The following IMMT variants were observed in gnomAD, a reference collection of about 807,000 sequenced individuals.
IMMT encodes the protein MICOS complex subunit MIC60.
IMMT carries 40 observed loss-of-function variants against 92.7 expected under a neutral mutation model. That is an observed-to-expected ratio of 0.43 (90% CI 0.34 to 0.56). The LOEUF (loss-of-function observed/expected upper bound fraction) is 0.56. Among genes scored for constraint, IMMT ranks in the 20% least tolerant of loss-of-function variants. The probability of loss-of-function intolerance (pLI) is 0.03; values close to 1 mark genes in which losing one functional copy is unlikely to be tolerated. For missense variants in IMMT, 831 were observed against 912.1 expected, an observed-to-expected ratio of 0.91 and a Z score of 1.14; for synonymous variants, 322 against 336.1, an observed-to-expected ratio of 0.96 and a Z score of 0.46.
At chr2:86,184,563 A>G (rs1221073302) in intron 1 of IMMT, among the ~76,000 whole-genome samples, 1 of 152,136 alleles carries the variant, frequency 6.6e-6, no homozygotes, top group East Asian at 1.9e-4. Flanking sequence ...ACAGCTACAG[A>G]TAACCAAACA....
In IMMT at chr2:86,171,328, G is replaced by T; in HGVS notation, c.439C>A (p.Gln147Lys). 1.2e-6 allele frequency: 2 copies of T among 1,611,624 alleles called. No homozygotes were observed. Among genetic ancestry groups the T allele is most frequent in the Non-Finnish European group, 1.7e-6 (2 of 1,178,740 alleles). Residue 147 changes from glutamine (Q) to lysine (K), a missense_variant, in exon 5 of 15, where the codon CAA becomes AAA. Coordinates refer to ENST00000410111, the MANE Select transcript of IMMT (RefSeq NM_006839.3). ...GTATCACCTGCTGCAGAAATAATTTGAGCCGCTTCTGTAGGTGCTATAAAT... is the reference window on the plus strand; with the variant it reads ...GTATCACCTGCTGCAGAAATAATTTTAGCCGCTTCTGTAGGTGCTATAAAT... ...ASATAPTEAA[Q>K]IISAAGDTLS... is the part of the protein sequence containing the mutation.
chr2:86,164,312 C>A (rs1280789725), intron 7 of IMMT, among the ~76,000 whole-genome samples: 2 of 151,718 alleles, frequency 1.3e-5, no homozygotes, highest in East Asian at 4.0e-4. Context: ...CAGCCTCAGC[C>A]TCCCACAGTG....
chr2:86,177,650 A>C (rs764369753), intron 3 of IMMT, among the ~76,000 whole-genome samples: 5 of 152,214 alleles, frequency 3.3e-5, no homozygotes, highest in Non-Finnish European at 7.3e-5. Flanking sequence ...AAAAAAAGGA[A>C]TACACACAAA....
intron 8 of IMMT, 168 bp downstream of exon 8, chr2:86,161,808 C>A (rs561938060): frequency 3.1e-5 from 17 of 544,046 alleles, no homozygotes; most frequent in Non-Finnish European, 5.1e-5. Flanking sequence ...GCCACCGTGC[C>A]CGGCCTGTAC....
At position 86,144,298 on chromosome 2, in the gene IMMT, T is replaced by G; in HGVS notation, c.2247A>C (p.Gly749=). Residue 749 remains glycine (G), a synonymous_variant, in exon 15 of 15, where the codon GGA becomes GGC. Coordinates refer to ENST00000410111, the MANE Select transcript of IMMT (RefSeq NM_006839.3). ...CTGGCTGCACCTGAGTGGTTCCTAT[T>G]CCTACGGCGCTGGCATATGCTGTCA... ...EILTAYASAV[G]IGTTQVQPE is the part of the protein sequence containing the mutation. 6.2e-7 allele frequency: 1 copy of G among 1,613,964 alleles called. No homozygotes were observed. Among genetic ancestry groups the G allele is most frequent in the Non-Finnish European group, 8.5e-7 (1 of 1,179,888 alleles).
Position 86,153,507 on chromosome 2 carries a change from C to A in IMMT, c.1177+53G>T, listed in dbSNP as rs1481107351. 7.3e-6 allele frequency: 8 copies of A among 1,090,298 alleles called. No individual in the cohort carries two copies. The African/African-American group carries it at 1.2e-4, about 16-fold the overall frequency. The allele number at this position is 1,090,298 out of a possible 1,614,324, so 67.5% of individuals were successfully genotyped here. ...ATAGGCACAACAAAAAGACTTTAGT[C>A]TCTTAATACCCAAAACAAAAGACTT... On this transcript the variant is annotated intron_variant, in intron 11 of 14. Coordinates refer to ENST00000410111, the MANE Select transcript of IMMT (RefSeq NM_006839.3).
At chr2:86,171,134 C>T (rs901844229) in intron 5 of IMMT, 74 bp downstream of exon 5, 39 of 1,285,542 alleles carry the variant, frequency 3.0e-5, no homozygotes, top group Admixed American at 6.8e-5. Flanking sequence ...TTAGTGTCTA[C>T]GTGTTGCCTA....
At chr2:86,185,080 C>T (rs1321386907) in intron 1 of IMMT, among the ~76,000 whole-genome samples, 1 of 151,662 alleles carries the variant, frequency 6.6e-6, no homozygotes, top group African/African-American at 2.4e-5. Context: ...CCCAGCTACT[C>T]GGGAGGCTGA....
At chr2:86,171,996 C>T (rs1677129436) in intron 4 of IMMT, among the ~76,000 whole-genome samples, 2 of 132,904 alleles carry the variant, frequency 1.5e-5, no homozygotes, top group Admixed American at 8.1e-5. Context: ...GACAAGGTCT[C>T]ACTCTGTTGC....
At chr2:86,155,031 T>A (rs1428421348) in intron 10 of IMMT, among the ~76,000 whole-genome samples, 5 of 152,078 alleles carry the variant, frequency 3.3e-5, no homozygotes, top group South Asian at 2.1e-4. Flanking sequence ...CTCGACTGAT[T>A]TTTGTATTTT....
Position 86,151,297 on chromosome 2 carries a change from C to A in IMMT, c.1401G>T (p.Lys467Asn). ...RSEIQAEQDRKIEEVRDAMEN... is the reference protein window; with the variant it reads ...RSEIQAEQDRNIEEVRDAMEN... Reference sequence around the variant, plus strand: ...AGGCAACAATTCTCATTTCTCTTACCTTTCTGTCCTGTTCAGCCTGTATTT... The same window carrying A: ...AGGCAACAATTCTCATTTCTCTTACATTTCTGTCCTGTTCAGCCTGTATTT... The change falls in exon 12 of 15, where the codon AAG becomes AAT. Residue 467 changes from lysine (K) to asparagine (N), a missense_variant and splice_region_variant. By Grantham distance (94) the Lys-to-Asn change is moderately conservative. Transcript: ENST00000410111. The A allele has an allele frequency of 1.2e-6, 2 of 1,607,410 alleles. No individual in the cohort carries two copies. The highest frequency in any genetic ancestry group is 1.7e-6 in the Non-Finnish European group (2 of 1,174,720).
At chr2:86,182,488 AC>A (rs1558838050) in intron 1 of IMMT, among the ~76,000 whole-genome samples, 1 of 152,236 alleles carries the variant, frequency 6.6e-6, no homozygotes, top group Non-Finnish European at 1.5e-5. Context: ...AAACAAAAAA[AC>A]AAATCAGATG....
rs1674799692 is a variant in IMMT at position 86,143,996 on chromosome 2, A to T, written c.*272T>A. 2 of 520,820 alleles carry T rather than the reference A, an allele frequency of 3.8e-6. No homozygotes were observed. Among genetic ancestry groups the T allele is most frequent in the Non-Finnish European group, 6.9e-6 (2 of 289,446 alleles). The allele number at this position is 520,820 out of a possible 1,614,324, so 32.3% of individuals were successfully genotyped here. ...GGCAAAATCAACAGTAGTAGAGATC[A>T]CAAACATTATTTTGATTGGCCTCAC... On this transcript the variant is annotated 3_prime_UTR_variant, in exon 15 of 15. Coordinates refer to ENST00000410111, the MANE Select transcript of IMMT (RefSeq NM_006839.3).
At chr2:86,185,258 T>C (rs1237733711) in intron 1 of IMMT, among the ~76,000 whole-genome samples, 1 of 151,908 alleles carries the variant, frequency 6.6e-6, no homozygotes, top group Non-Finnish European at 1.5e-5. Context: ...AGGACAGAGA[T>C]AAGCATTAAA....
At chr2:86,170,606 A>G in intron 6 of IMMT, 143 bp downstream of exon 6, 3 of 597,682 alleles carry the variant, frequency 5.0e-6, no homozygotes, top group South Asian at 4.3e-5. Flanking sequence ...AAGGTGATGA[A>G]TAAAGCAATG....
intron 7 of IMMT, among the ~76,000 whole-genome samples, chr2:86,166,100 G>A (rs946960304): frequency 7.9e-5 from 12 of 152,214 alleles, no homozygotes; most frequent in Admixed American, 7.9e-4. Context: ...GGGAGGCCGA[G>A]GCAGGCAAAT....
chr2:86,177,893 A>G (rs13403186), intron 3 of IMMT, among the ~76,000 whole-genome samples: 75,388 of 152,050 alleles, frequency 0.5, 19,156 homozygotes, highest in Non-Finnish European at 0.55. Flanking sequence ...GGTTACCTCT[A>G]CCCAAGTATC....
intron 4 of IMMT, among the ~76,000 whole-genome samples, chr2:86,173,026 G>A (rs1232294286): frequency 6.6e-6 from 1 of 152,176 alleles, no homozygotes; most frequent in Non-Finnish European, 1.5e-5. Context: ...GTTCATGGCT[G>A]TTTCCCCAGT....
intron 8 of IMMT, 103 bp from the exon 9 acceptor site, chr2:86,159,774 G>T: frequency 2.9e-6 from 3 of 1,029,710 alleles, no homozygotes; most frequent in Non-Finnish European, 4.0e-6. Context: ...TATGAAACAG[G>T]CTGGGAGCAG....
Sources: allele counts gnomAD v4.1 joint callset (sites outside exome capture counted in the v4.1 genomes callset), GRCh38; gene constraint gnomAD v4.1.1; transcripts MANE v1.5; gene names NCBI Gene and HGNC (gene_info 2026-07-23, HGNC 2026-07-21).